The following ZNF518A variants were observed in gnomAD, a reference collection of about 807,000 sequenced individuals.
ZNF518A encodes zinc finger protein 518A, also known as zinc finger protein 518.
A neutral mutation model predicts 102.7 loss-of-function variants in ZNF518A; 47 were observed. The ratio of observed to expected loss-of-function variants is 0.46; its 90% confidence interval spans 0.36 to 0.58. ZNF518A has a LOEUF of 0.58. ZNF518A is among the 20% of genes least tolerant of loss of function. ZNF518A has a pLI of 0.00. For missense variants in ZNF518A, 1,793 were observed against 1,699.8 expected, an observed-to-expected ratio of 1.05 and a Z score of -0.96; for synonymous variants, 652 against 594.6, an observed-to-expected ratio of 1.10 and a Z score of -1.40.
chr10:96,168,129 G>A (rs926331224), downstream of ZNF518A, among the ~76,000 whole-genome samples: 9 of 152,176 alleles, frequency 5.9e-5, no homozygotes, highest in Admixed American at 6.5e-5. Flanking sequence ...GATATACATT[G>A]TCTTGCTGCT....
At chr10:96,132,432 C>T (rs782751306) in intron 1 of ZNF518A, among the ~76,000 whole-genome samples, 154 bp from the exon 2 acceptor site, 1 of 149,294 alleles carries the variant, frequency 6.7e-6, no homozygotes, top group Non-Finnish European at 1.5e-5. Context: ...CATGTTATCA[C>T]TGGTCATCAA....
At chr10:96,188,633 C>T (rs587749223) in intron 1 of ZNF518A, among the ~76,000 whole-genome samples, 1 of 152,252 alleles carries the variant, frequency 6.6e-6, no homozygotes, top group South Asian at 2.1e-4. Flanking sequence ...AAAAAATTAC[C>T]CCAGTTTCCC....
At position 96,158,448 on chromosome 10, in the gene ZNF518A, C is replaced by T. The variant is rs782113565; in HGVS notation, c.2126C>T (p.Thr709Ile). ...AGCCTTTTAAATGATAAAGATGGAA[C>T]TTTAAAAGCAAAATCTGAAATTGAA... ...SISLLNDKDG[T>I]LKAKSEIEEQ... is the part of the protein sequence containing the mutation. Residue 709 changes from threonine (T) to isoleucine (I), a missense_variant, in exon 6 of 6, where the codon ACT (threonine) becomes ATT (isoleucine). Physicochemically the swap from Thr to Ile is moderately conservative, Grantham distance 89 (BLOSUM62 -1). Coordinates refer to ENST00000316045, the MANE Select transcript of ZNF518A (RefSeq NM_001330736.2). The T allele has an allele frequency of 6.2e-7, 1 of 1,612,530 alleles. No homozygotes were observed. The highest frequency in any genetic ancestry group is 1.3e-5 in the African/African-American group (1 of 74,890).
chr10:96,190,623 A>G (rs587644623), intron 1 of ZNF518A, among the ~76,000 whole-genome samples: 3 of 152,350 alleles, frequency 2.0e-5, no homozygotes, highest in Admixed American at 1.3e-4. Context: ...AGTTACCCTG[A>G]AATTATTACC....
rs1328115088 is a variant in ZNF518A, at chr10:96,160,638, C to A, written c.4316C>A (p.Thr1439Asn). 4.3e-6 allele frequency: 7 copies of A among 1,612,966 alleles called. No individual in the cohort carries two copies. Among genetic ancestry groups the A allele is most frequent in the African/African-American group, 1.3e-5 (1 of 74,862 alleles). The change falls in exon 6 of 6, where the codon ACT becomes AAT. Residue 1439 changes from threonine (T) to asparagine (N), a missense_variant. This residue lies in a region of ZNF518A where 30 missense variants were observed against 61.1 expected (regional missense o/e 0.49). Coordinates refer to ENST00000316045, the MANE Select transcript of ZNF518A (RefSeq NM_001330736.2). The part of the protein sequence containing the change: ...TSKNNYQIVK[T>N]TSENILKAKF... ...AAAAACAATTACCAGATTGTGAAGA[C>A]TACCTCTGAAAATATTTTGAAGGCT...
downstream of ZNF518A, chr10:96,204,301 A>G: frequency 1.4e-6 from 1 of 706,504 alleles, no homozygotes; most frequent in South Asian, 1.8e-5. Context: ...AATCTTGACT[A>G]AAGTATTGTA....
chr10:96,185,943 C>T (rs587733064), intron 1 of ZNF518A, among the ~76,000 whole-genome samples: 154 of 152,366 alleles, frequency 1.0e-3, no homozygotes, highest in Middle Eastern at 3.4e-3. Flanking sequence ...CGCCTCTCCC[C>T]CAGCCAGGCT....
intron 1 of ZNF518A, among the ~76,000 whole-genome samples, chr10:96,181,432 C>T (rs1288664043): frequency 6.6e-6 from 1 of 152,144 alleles, no homozygotes; most frequent in African/African-American, 2.4e-5. Flanking sequence ...TGCCTATGTC[C>T]TGAATGGTAT....
chr10:96,168,658 T>A (rs1554890621), downstream of ZNF518A, among the ~76,000 whole-genome samples: 1 of 152,196 alleles, frequency 6.6e-6, no homozygotes, highest in Non-Finnish European at 1.5e-5. Context: ...AATTTTCCAT[T>A]CAACACTTCT....
chr10:96,188,234 T>A lies in ZNF518A; in HGVS notation n.36-15340T>A, dbSNP rs1244694647. Reference sequence around the variant, plus strand: ...GCAGGTGGGATCACCCTCAGTGGACTCTTCTGCAAGATGAGGGAAAAGACT... The same window carrying A: ...GCAGGTGGGATCACCCTCAGTGGACACTTCTGCAAGATGAGGGAAAAGACT... On this transcript the variant is annotated intron_variant and non_coding_transcript_variant, in intron 1 of 2. Transcript: ENST00000442635. Among the ~76,000 whole-genome samples the A allele has an allele frequency of 2.0e-5, 3 of 152,220 alleles. No homozygotes were observed. In the East Asian group the frequency reaches 5.8e-4, roughly 29 times the overall value.
Position 96,158,903 on chromosome 10 carries a change from A to G in ZNF518A, c.2581A>G (p.Lys861Glu). The G allele has an allele frequency of 6.2e-7, 1 of 1,613,716 alleles. No individual in the cohort carries two copies. Among genetic ancestry groups the G allele is most frequent in the Non-Finnish European group, 8.5e-7 (1 of 1,179,720 alleles). ...AAATGATTTGAATTTGAAATTTGGAAAAGAAAAACAAGTGTCATCAATACC... is the reference window on the plus strand; with the variant it reads ...AAATGATTTGAATTTGAAATTTGGAGAAGAAAAACAAGTGTCATCAATACC... The part of the protein sequence containing the change: ...PTNDLNLKFG[K>E]EKQVSSIPQD... Residue 861 changes from lysine (K) to glutamate (E), a missense_variant, in exon 6 of 6, where the codon AAA becomes GAA. Transcript: ENST00000316045.
chr10:96,189,253 C>G (rs2083293040), intron 1 of ZNF518A: 1 of 398,118 alleles, frequency 2.5e-6, no homozygotes, highest in African/African-American at 2.1e-5. Context: ...TTATTAAACA[C>G]AGTAGGGAAA....
At chr10:96,133,770 C>G (rs1317842964) in intron 3 of ZNF518A, 122 bp downstream of exon 3, 1 of 152,202 alleles carries the variant, frequency 6.6e-6, no homozygotes, top group Admixed American at 6.5e-5. Context: ...TAACCGTGTT[C>G]TTCCCTGAAC....
Position 96,159,894 on chromosome 10 carries a change from A to T in ZNF518A, c.3572A>T (p.Asp1191Val). The change falls in exon 6 of 6, where the codon GAT becomes GTT. Residue 1191 changes from aspartate (D) to valine (V), a missense_variant. Asp to Val is a radical substitution (Grantham distance 152). Coordinates refer to ENST00000316045, the MANE Select transcript of ZNF518A (RefSeq NM_001330736.2). ...GGEQKEPESR[D>V]ALPFLLDDLM... ...GAGCAGAAAGAGCCAGAATCTAGAG[A>T]TGCCTTACCCTTCTTACTAGATGAC... is the stretch of plus-strand genomic sequence containing the variant. 1 of 1,613,596 alleles carries T rather than the reference A, an allele frequency of 6.2e-7. No individual in the cohort carries two copies. The highest frequency in any genetic ancestry group is 8.5e-7 in the Non-Finnish European group (1 of 1,179,748).
At position 96,159,005 on chromosome 10, in the gene ZNF518A, A is replaced by G. The variant is rs782086727; in HGVS notation, c.2683A>G (p.Ile895Val). The change falls in exon 6 of 6, where the codon ATA becomes GTA. Residue 895 changes from isoleucine (I) to valine (V), a missense_variant. By Grantham distance (29) the Ile-to-Val change is conservative. Around this residue, in one of 3 missense-constraint regions of ZNF518A, gnomAD observed 1,741 missense variants for 1,622.6 expected, o/e 1.07. Coordinates refer to ENST00000316045, the MANE Select transcript of ZNF518A (RefSeq NM_001330736.2). ...GTLLKTQSDA[I>V]ITQQLVKDKL... ...ATTACTTAAGACTCAGTCAGATGCG[A>G]TAATAACACAGCAGCTTGTAAAAGA... The G allele has an allele frequency of 8.7e-6, 14 of 1,613,618 alleles. No individual in the cohort carries two copies. Among genetic ancestry groups the G allele is most frequent in the Non-Finnish European group, 1.2e-5 (14 of 1,179,762 alleles).
At position 96,161,213 on chromosome 10, in the gene ZNF518A, C is replaced by T. The variant is rs2133849130; in HGVS notation, c.*439C>T. On this transcript the variant is annotated 3_prime_UTR_variant, in exon 6 of 6. Transcript: ENST00000316045. ...TCATCGTAGAACTGAAGGAGTTTCTCACATTTGTGAAGATACTTTGAGAGA... is the reference window on the plus strand; with the variant it reads ...TCATCGTAGAACTGAAGGAGTTTCTTACATTTGTGAAGATACTTTGAGAGA... 5.9e-6 allele frequency: 1 copy of T among 169,288 alleles called. No individual in the cohort carries two copies. The highest frequency in any genetic ancestry group is 2.4e-5 in the African/African-American group (1 of 41,630). The allele number at this position is 169,288 out of a possible 1,614,324, so 10.5% of individuals were successfully genotyped here.
intron 1 of ZNF518A, chr10:96,191,782 G>T: frequency 1.5e-6 from 1 of 652,264 alleles, no homozygotes. Flanking sequence ...AGTTCATCAG[G>T]TCAGGCAATA....
downstream of ZNF518A, among the ~76,000 whole-genome samples, chr10:96,166,331 A>G (rs771846195): frequency 6.6e-6 from 1 of 152,208 alleles, no homozygotes; most frequent in African/African-American, 2.4e-5. Flanking sequence ...AATGCATTCA[A>G]GTTGACACTG....
At position 96,163,543 on chromosome 10, in the gene ZNF518A, T is replaced by C. The variant is rs988569877; in HGVS notation, c.*2769T>C. On this transcript the variant is annotated 3_prime_UTR_variant, in exon 6 of 6. Transcript: ENST00000316045. ...TTTTCAAAGAATTTATCTTGCTAAG[T>C]ATTCAGTAACACAAATTGAAATGTA... is the stretch of plus-strand genomic sequence containing the variant. The C allele has an allele frequency of 6.0e-6, 1 of 167,090 alleles. No individual in the cohort carries two copies. The highest frequency in any genetic ancestry group is 1.5e-5 in the Non-Finnish European group (1 of 68,092). 10.4% of individuals were successfully genotyped at this position (167,090 alleles called of 1,614,324 possible). A position where few individuals can be genotyped will look rare whatever the true frequency, so the allele number is the denominator to read the frequency against.
Sources: gnomAD v4.1 joint callset for allele counts (sites outside exome capture counted in the v4.1 genomes callset) on GRCh38, gnomAD v4.1.1 for gene constraint, gnomAD v4.1.1 regional missense constraint, MANE v1.5 for transcripts, NCBI Gene and HGNC (gene_info 2026-07-23, HGNC 2026-07-21) for gene names.